The following PTPRG variants were observed in gnomAD, a reference collection of about 807,000 sequenced individuals.
The protein encoded by PTPRG is protein tyrosine phosphatase receptor type G.
In PTPRG, 102 loss-of-function variants were observed where a neutral mutation model predicts 165.3. The ratio of observed to expected loss-of-function variants is 0.62; its 90% confidence interval spans 0.53 to 0.73. The LOEUF (loss-of-function observed/expected upper bound fraction) is 0.73. Ranked by LOEUF, PTPRG falls within the 30% of genes least tolerant of loss-of-function variation. The pLI is 0.00. For synonymous variants in PTPRG, 675 were observed against 669.5 expected (o/e 1.01, Z -0.13); for missense variants, 1,866 against 1,861.4 (o/e 1.00, Z -0.05).
intron 1 of PTPRG, among the ~76,000 whole-genome samples, chr3:61,563,393 A>G (rs1699819173): frequency 6.6e-6 from 1 of 151,982 alleles, no homozygotes; most frequent in Non-Finnish European, 1.5e-5. Flanking sequence ...CTCAGCTGGC[A>G]GTTCCCCCTC....
At chr3:61,932,761 G>A (rs933365704) in intron 2 of PTPRG, among the ~76,000 whole-genome samples, 1 of 152,070 alleles carries the variant, frequency 6.6e-6, no homozygotes, top group Non-Finnish European at 1.5e-5. Context: ...CCAAAATCTT[G>A]GTCAGAAACA....
chr3:61,981,247 C>T (rs2040637429), intron 2 of PTPRG, among the ~76,000 whole-genome samples: 1 of 152,200 alleles, frequency 6.6e-6, no homozygotes, highest in Non-Finnish European at 1.5e-5. Flanking sequence ...CACTTTCCTC[C>T]ACCTAGTCGC....
chr3:62,069,684 T>TCA lies in PTPRG; in HGVS notation c.520-8472_520-8471dup, dbSNP rs1553712762. Among the ~76,000 whole-genome samples, 151 of 145,042 alleles carry TCA rather than the reference T, an allele frequency of 1.0e-3. 2 individuals are homozygous for TCA. The highest frequency in any genetic ancestry group is 3.4e-3 in the African/African-American group (129 of 37,818). ...CTCTCTCTCTCTCTCTCTCTCTCTCTCACACACAGACACACGCACACACAC... is the reference window on the plus strand; with the variant it reads ...CTCTCTCTCTCTCTCTCTCTCTCTCTCACACACACAGACACACGCACACACAC... On this transcript the variant is annotated intron_variant, in intron 4 of 29. Coordinates refer to ENST00000474889, the MANE Select transcript of PTPRG (RefSeq NM_002841.4).
intron 1 of PTPRG, among the ~76,000 whole-genome samples, chr3:61,689,503 T>C (rs2030017623): frequency 6.6e-6 from 1 of 152,234 alleles, no homozygotes; most frequent in Admixed American, 6.5e-5. Flanking sequence ...CATTACTCTC[T>C]GCTATGGCAG....
intron 8 of PTPRG, among the ~76,000 whole-genome samples, chr3:62,171,853 A>G (rs986535579): frequency 6.6e-6 from 1 of 152,052 alleles, no homozygotes; most frequent in Admixed American, 6.6e-5. Flanking sequence ...CATCACCCCA[A>G]AAAGAAACTC....
intron 26 of PTPRG, among the ~76,000 whole-genome samples, chr3:62,280,322 T>TA (rs1702386612): frequency 6.6e-6 from 1 of 151,928 alleles, no homozygotes; most frequent in African/African-American, 2.4e-5. Context: ...AGACAGGTGA[T>TA]ACAAAATCTC....
chr3:61,848,888 C>A (rs2036879472), intron 2 of PTPRG, among the ~76,000 whole-genome samples: 1 of 152,218 alleles, frequency 6.6e-6, no homozygotes, highest in South Asian at 2.1e-4. Flanking sequence ...TAATTCAATT[C>A]ATCTTCACAT....
chr3:61,995,880 C>T (rs2041030219), intron 3 of PTPRG, among the ~76,000 whole-genome samples: 1 of 151,976 alleles, frequency 6.6e-6, no homozygotes, highest in Non-Finnish European at 1.5e-5. Context: ...TTCTGTTGGA[C>T]TCGATATGTC....
At chr3:61,925,766 G>T in intron 2 of PTPRG, 1 of 387,596 alleles carries the variant, frequency 2.6e-6, no homozygotes, top group South Asian at 1.9e-5. Flanking sequence ...AATCATCATT[G>T]GTCAAAGTTG....
At chr3:61,965,885 G>C (rs2040259249) in intron 2 of PTPRG, among the ~76,000 whole-genome samples, 1 of 152,180 alleles carries the variant, frequency 6.6e-6, no homozygotes, top group Non-Finnish European at 1.5e-5. Flanking sequence ...TAGGATTCAT[G>C]GTCTTTATCA....
chr3:62,106,181 A>G (rs981576900), intron 5 of PTPRG, among the ~76,000 whole-genome samples: 2 of 152,204 alleles, frequency 1.3e-5, no homozygotes, highest in Admixed American at 6.5e-5. Flanking sequence ...TTCTAAATCT[A>G]TATGGTTTTG....
chr3:61,623,703 G>A (rs192420347), intron 1 of PTPRG, among the ~76,000 whole-genome samples: 56 of 152,288 alleles, frequency 3.7e-4, no homozygotes, highest in Admixed American at 1.2e-3. Flanking sequence ...TGGAGGGGAT[G>A]TCTATAAATA....
intron 2 of PTPRG, among the ~76,000 whole-genome samples, chr3:61,889,461 C>G (rs759156208): frequency 3.9e-5 from 6 of 152,184 alleles, no homozygotes; most frequent in Non-Finnish European, 7.4e-5. Context: ...ACATGTCTAA[C>G]TTGATTAGCA....
At chr3:62,030,868 G>T (rs1023046511) in intron 4 of PTPRG, among the ~76,000 whole-genome samples, 6 of 152,176 alleles carry the variant, frequency 3.9e-5, no homozygotes, top group Admixed American at 3.3e-4. Context: ...AACTTAGACT[G>T]ACCCCCCACT....
intron 1 of PTPRG, among the ~76,000 whole-genome samples, chr3:61,584,376 G>C (rs188902039): frequency 2.2e-4 from 33 of 152,288 alleles, no homozygotes; most frequent in African/African-American, 7.5e-4. Context: ...CTACTCCTTA[G>C]AGTGGAGGTC....
chr3:62,052,426 G>A (rs1005375330), intron 4 of PTPRG, among the ~76,000 whole-genome samples: 2 of 152,198 alleles, frequency 1.3e-5, no homozygotes, highest in East Asian at 1.9e-4. Context: ...CAGGCATAGC[G>A]GCTGATGCCT....
At chr3:61,565,501 C>A (rs1699889311) in intron 1 of PTPRG, among the ~76,000 whole-genome samples, 1 of 152,084 alleles carries the variant, frequency 6.6e-6, no homozygotes, top group African/African-American at 2.4e-5. Context: ...CATTCAAACT[C>A]TGATACATAT....
At chr3:61,778,213 A>G (rs1178280805) in intron 2 of PTPRG, among the ~76,000 whole-genome samples, 1 of 152,180 alleles carries the variant, frequency 6.6e-6, no homozygotes, top group African/African-American at 2.4e-5. Context: ...ATTGAAAATG[A>G]AAGTATACTT....
chr3:61,960,350 C>G (rs896636983), intron 2 of PTPRG, among the ~76,000 whole-genome samples: 6 of 151,890 alleles, frequency 4.0e-5, no homozygotes, highest in Non-Finnish European at 5.9e-5. Flanking sequence ...GAAACGGAAC[C>G]CTTTGTTAGG....
Sources: allele counts gnomAD v4.1 joint callset (sites outside exome capture counted in the v4.1 genomes callset), GRCh38; gene constraint gnomAD v4.1.1; transcripts MANE v1.5; gene names NCBI Gene and HGNC (gene_info 2026-07-23, HGNC 2026-07-21).